The following SUGCT variants were observed in gnomAD, a reference collection of about 807,000 sequenced individuals.
The protein encoded by SUGCT is succinyl-CoA:glutarate CoA-transferase.
SUGCT carries 41 observed loss-of-function variants against 55.0 expected under a neutral mutation model. The observed-to-expected ratio is 0.74, with a 90% CI of 0.58 to 0.97. The LOEUF is 0.97. Among genes scored for constraint, SUGCT ranks in the 50% least tolerant of loss-of-function variants. The pLI, the probability that SUGCT is intolerant of heterozygous loss-of-function variation, is 0.00. For synonymous variants in SUGCT, 187 were observed against 200.4 expected (o/e 0.93, Z 0.56); for missense variants, 568 against 547.8 (o/e 1.04, Z -0.37).
chr7:40,790,535 C>T (rs1300430049), intron 13 of SUGCT, among the ~76,000 whole-genome samples: 1 of 152,172 alleles, frequency 6.6e-6, no homozygotes, highest in African/African-American at 2.4e-5. Flanking sequence ...TGTCTTTTCT[C>T]TGAAGGCCTA....
the SUGCT span, among the ~76,000 whole-genome samples, chr7:40,891,141 A>G: frequency 2.0e-5 from 3 of 152,184 alleles, no homozygotes; most frequent in Admixed American, 2.0e-4. Context: ...GGAGTCAAGA[A>G]AGTCTATGGA....
intron 12 of SUGCT, among the ~76,000 whole-genome samples, chr7:40,585,245 A>G (rs1797313587): frequency 6.6e-6 from 1 of 152,158 alleles, no homozygotes; most frequent in African/African-American, 2.4e-5. Flanking sequence ...GTGAGTCATA[A>G]CCTTGTGCCA....
intron 12 of SUGCT, among the ~76,000 whole-genome samples, chr7:40,703,333 G>C (rs374194802): frequency 1.3e-5 from 2 of 152,064 alleles, no homozygotes; most frequent in Non-Finnish European, 2.9e-5. Context: ...GCCAGGGTCC[G>C]ATTGACCATG....
chr7:40,439,460 C>G (rs1459861873), intron 9 of SUGCT, among the ~76,000 whole-genome samples: 2 of 152,100 alleles, frequency 1.3e-5, no homozygotes, highest in South Asian at 2.1e-4. Flanking sequence ...ATCTTTTTGT[C>G]ATATCCATCT....
chr7:40,622,846 G>A (rs568310889), intron 12 of SUGCT, among the ~76,000 whole-genome samples: 3 of 151,962 alleles, frequency 2.0e-5, no homozygotes, highest in Non-Finnish European at 2.9e-5. Flanking sequence ...CCCAAAACAG[G>A]TTCTGAGCCT....
chr7:40,541,828 G>GA (rs752619820), intron 12 of SUGCT, among the ~76,000 whole-genome samples: 3 of 152,220 alleles, frequency 2.0e-5, no homozygotes, highest in Middle Eastern at 3.4e-3. Flanking sequence ...CTGTAAACTA[G>GA]AAAAAACAAA....
At chr7:40,572,745 G>A (rs932605084) in intron 12 of SUGCT, among the ~76,000 whole-genome samples, 2 of 152,044 alleles carry the variant, frequency 1.3e-5, no homozygotes, top group Non-Finnish European at 2.9e-5. Flanking sequence ...ACCTCGGGTC[G>A]CTGCTGGCTT....
intron 12 of SUGCT, among the ~76,000 whole-genome samples, chr7:40,595,369 T>C (rs62451209): frequency 0.014 from 2,183 of 152,298 alleles, 18 homozygotes; most frequent in Middle Eastern, 0.024. Flanking sequence ...TGTTGTAATA[T>C]ATCATGATTC....
intron 12 of SUGCT, among the ~76,000 whole-genome samples, chr7:40,663,733 A>AT (rs1801457517): frequency 6.6e-6 from 1 of 152,066 alleles, no homozygotes; most frequent in Non-Finnish European, 1.5e-5. Flanking sequence ...ACCCAGTCCC[A>AT]TGCACAGGAA....
At chr7:40,573,884 GTT>G (rs1279325976) in intron 12 of SUGCT, among the ~76,000 whole-genome samples, 2 of 152,122 alleles carry the variant, frequency 1.3e-5, no homozygotes, top group Non-Finnish European at 2.9e-5. Flanking sequence ...CCTTATTCAT[GTT>G]TCTTACTTTC....
chr7:40,837,940 A>G (rs987542208), intron 13 of SUGCT, among the ~76,000 whole-genome samples: 5 of 152,256 alleles, frequency 3.3e-5, no homozygotes, highest in East Asian at 1.9e-4. Flanking sequence ...TTTATGGGAT[A>G]TGAAAATTAG....
At chr7:40,625,325 C>T (rs1340331736) in intron 12 of SUGCT, among the ~76,000 whole-genome samples, 1 of 152,070 alleles carries the variant, frequency 6.6e-6, no homozygotes, top group East Asian at 1.9e-4. Context: ...ATTTTCAGGG[C>T]AGTAGGTGAA....
chr7:40,915,451 A>G, the SUGCT span, among the ~76,000 whole-genome samples: 2 of 152,202 alleles, frequency 1.3e-5, no homozygotes, highest in Non-Finnish European at 2.9e-5. Flanking sequence ...ATGAATGTTT[A>G]GTCTCTAAGA....
chr7:40,510,498 G>A (rs1792864565), intron 12 of SUGCT, among the ~76,000 whole-genome samples: 1 of 152,022 alleles, frequency 6.6e-6, no homozygotes, highest in South Asian at 2.1e-4. Context: ...GGAGGAAAAA[G>A]AAATCTTGTT....
At chr7:40,913,075 A>G in the SUGCT span, among the ~76,000 whole-genome samples, 1 of 140,104 alleles carries the variant, frequency 7.1e-6, no homozygotes, top group Non-Finnish European at 1.5e-5. Context: ...CAGTGGCGCG[A>G]TCTTGGCTCA....
chr7:40,190,447 A>G (rs1275811042), intron 5 of SUGCT, among the ~76,000 whole-genome samples: 1 of 152,112 alleles, frequency 6.6e-6, no homozygotes, highest in Non-Finnish European at 1.5e-5. Context: ...ATGGGGTTTC[A>G]CCATGTTGGC....
chr7:40,167,729 C>T (rs1272035277), intron 1 of SUGCT, among the ~76,000 whole-genome samples: 3 of 152,160 alleles, frequency 2.0e-5, no homozygotes, highest in Non-Finnish European at 4.4e-5. Flanking sequence ...TTAGCCCAGT[C>T]GAGAGCGGCA....
chr7:40,225,417 G>A (rs1206264737), intron 6 of SUGCT, among the ~76,000 whole-genome samples: 3 of 151,204 alleles, frequency 2.0e-5, no homozygotes, highest in Admixed American at 6.6e-5. Flanking sequence ...CAGATTTTTG[G>A]TCTTTGAATA....
chr7:40,603,257 G>A (rs924638054), intron 12 of SUGCT, among the ~76,000 whole-genome samples: 1 of 152,150 alleles, frequency 6.6e-6, no homozygotes. Context: ...GACTAAAAGG[G>A]TTTAGATACA....
Sources: gnomAD v4.1 joint callset for allele counts (sites outside exome capture counted in the v4.1 genomes callset) on GRCh38, gnomAD v4.1.1 for gene constraint, MANE v1.5 for transcripts, NCBI Gene and HGNC (gene_info 2026-07-23, HGNC 2026-07-21) for gene names.